PCLO: variants seen among roughly 807,000 people sequenced by gnomAD.
PCLO encodes piccolo presynaptic cytomatrix protein.
A neutral mutation model predicts 427.5 loss-of-function variants in PCLO; 82 were observed. The observed-to-expected ratio is 0.19, with a 90% CI of 0.16 to 0.23. PCLO has a LOEUF of 0.23. PCLO is among the 10% of genes least tolerant of loss of function. The probability of loss-of-function intolerance (pLI) is 1.00; values close to 1 mark genes in which losing one functional copy is unlikely to be tolerated. For synonymous variants in PCLO, 2,357 were observed against 2,155.4 expected, an observed-to-expected ratio of 1.09 and a Z score of -2.59; for missense variants, 6,239 against 6,115.9, an observed-to-expected ratio of 1.02 and a Z score of -0.67.
At chr7:83,003,005 C>T (rs1052095938) in intron 3 of PCLO, among the ~76,000 whole-genome samples, 15 of 151,080 alleles carry the variant, frequency 9.9e-5, no homozygotes, top group Admixed American at 9.3e-4. Context: ...ATTTATTTTT[C>T]CTTGCCATAT....
intron 3 of PCLO, among the ~76,000 whole-genome samples, chr7:83,069,973 C>T (rs1789771057): frequency 1.3e-5 from 2 of 152,020 alleles, no homozygotes; most frequent in African/African-American, 4.8e-5. Flanking sequence ...AGCTTGATTG[C>T]CTTCTTGAGT....
intron 3 of PCLO, among the ~76,000 whole-genome samples, chr7:83,118,506 G>C (rs1443244236): frequency 1.3e-5 from 2 of 151,504 alleles, no homozygotes; most frequent in Non-Finnish European, 2.9e-5. Flanking sequence ...TCCCCCAGCA[G>C]TGAGCATAGA....
chr7:83,045,057 T>G (rs1244536302), intron 3 of PCLO, among the ~76,000 whole-genome samples: 1 of 152,190 alleles, frequency 6.6e-6, no homozygotes, highest in Non-Finnish European at 1.5e-5. Flanking sequence ...AAAATCTGAC[T>G]GAAAAGCAGA....
intron 10 of PCLO, among the ~76,000 whole-genome samples, chr7:82,878,330 A>G (rs1793423462): frequency 6.6e-6 from 1 of 152,208 alleles, no homozygotes; most frequent in Admixed American, 6.5e-5. Flanking sequence ...AGAAAATCAC[A>G]GTGAGTCATT....
chr7:82,761,019 A>G (rs1790421942), intron 23 of PCLO, among the ~76,000 whole-genome samples: 2 of 137,430 alleles, frequency 1.5e-5, no homozygotes. Context: ...TGGCCAGATA[A>G]CTCACTTAAC....
At chr7:82,997,306 C>T (rs559703196) in intron 3 of PCLO, among the ~76,000 whole-genome samples, 1 of 152,056 alleles carries the variant, frequency 6.6e-6, no homozygotes, top group African/African-American at 2.4e-5. Context: ...ATGTTGGAGC[C>T]ATTCCAGACT....
At chr7:82,847,279 C>T (rs780332763) in intron 10 of PCLO, 32 bp from the exon 11 acceptor site, 64 of 1,221,772 alleles carry the variant, frequency 5.2e-5, no homozygotes, top group African/African-American at 1.5e-4. Flanking sequence ...TAAAATCAAA[C>T]GTGTGCTATC....
At chr7:82,976,927 G>A (rs761743476) in intron 3 of PCLO, among the ~76,000 whole-genome samples, 4 of 151,910 alleles carry the variant, frequency 2.6e-5, no homozygotes, top group South Asian at 2.1e-4. Context: ...ATCTCGCTAC[G>A]TTGCCTGGTC....
intron 7 of PCLO, among the ~76,000 whole-genome samples, chr7:82,913,318 T>C (rs976562339): frequency 1.3e-5 from 2 of 152,014 alleles, no homozygotes; most frequent in Admixed American, 6.6e-5. Context: ...AGATTTGAAT[T>C]CCTAAAATCT....
At chr7:82,965,697 C>T (rs933658529) in intron 4 of PCLO, 74 bp downstream of exon 4, 3 of 948,708 alleles carry the variant, frequency 3.2e-6, no homozygotes, top group Non-Finnish European at 4.8e-6. Flanking sequence ...TACCATTGAG[C>T]AACTTGTATA....
At position 82,755,590 on chromosome 7, in the gene PCLO, G is replaced by A. The variant is rs369848448; in HGVS notation, c.*2985C>T. ...GGGAAAAACTGAGATGCTCTTCAAG[G>A]TAAAAGTGCTGTAATTGGAGTAATT... On this transcript the variant is annotated 3_prime_UTR_variant, in exon 25 of 25. Transcript: ENST00000333891. 2 of 151,998 alleles carry A rather than the reference G, an allele frequency of 1.3e-5. No individual in the cohort carries two copies. The highest frequency in any genetic ancestry group is 4.8e-5 in the African/African-American group (2 of 41,378). The allele number at this position is 151,998 out of a possible 1,614,324, so 9.4% of individuals were successfully genotyped here.
chr7:83,162,603 G>T lies in PCLO; in HGVS notation c.-11C>A, dbSNP rs755080569. ...CGCCTCGTTGCCCATGGCTCAGGGA[G>T]ACTCGGGGCCGCCGCGCTCCCTCCT... On this transcript the variant is annotated 5_prime_UTR_variant, in exon 1 of 25. Coordinates refer to ENST00000333891, the MANE Select transcript of PCLO (RefSeq NM_033026.6). 2 of 1,529,542 alleles carry T rather than the reference G, an allele frequency of 1.3e-6. No individual in the cohort carries two copies. Among genetic ancestry groups the T allele is most frequent in the Admixed American group, 4.0e-5 (2 of 49,818 alleles). 94.7% of individuals were successfully genotyped at this position (1,529,542 alleles called of 1,614,324 possible). A position where few individuals can be genotyped will look rare whatever the true frequency, so the allele number is the denominator to read the frequency against.
In PCLO at chr7:82,756,103, A is replaced by C. The variant is rs1228066024; in HGVS notation, c.*2472T>G. On this transcript the variant is annotated 3_prime_UTR_variant, in exon 25 of 25. Transcript: ENST00000333891. ...CTCCATTTATATTATTCTAAAAGAA[A>C]TTGCAACTGGAATGAAGAAAGCTAA... The C allele has an allele frequency of 6.6e-6, 1 of 152,146 alleles. No individual in the cohort carries two copies. The highest frequency in any genetic ancestry group is 1.5e-5 in the Non-Finnish European group (1 of 68,008). The allele number at this position is 152,146 out of a possible 1,614,324, so 9.4% of individuals were successfully genotyped here. A position where few individuals can be genotyped will look rare whatever the true frequency, so the allele number is the denominator to read the frequency against.
chr7:83,114,048 A>G (rs1791070695), intron 3 of PCLO, among the ~76,000 whole-genome samples: 1 of 152,196 alleles, frequency 6.6e-6, no homozygotes, highest in Non-Finnish European at 1.5e-5. Context: ...CAGCCAATAC[A>G]GGACCAAATA....
intron 3 of PCLO, among the ~76,000 whole-genome samples, chr7:83,094,210 C>CTTTTTT (rs767490139): frequency 9.5e-5 from 12 of 126,022 alleles, no homozygotes; most frequent in African/African-American, 1.2e-4. Context: ...ATTTTTTTTT[C>CTTTTTT]TTTTTTTTTT....
Position 83,134,759 on chromosome 7 carries a change from G to A in PCLO, c.2791C>T (p.Leu931Phe). The A allele has an allele frequency of 1.9e-6, 3 of 1,613,942 alleles. No homozygotes were observed. Among genetic ancestry groups the A allele is most frequent in the Non-Finnish European group, 2.5e-6 (3 of 1,179,882 alleles). Residue 931 changes from leucine (L) to phenylalanine (F), a missense_variant, in exon 3 of 25, where the codon CTC (leucine) becomes TTC (phenylalanine). Coordinates refer to ENST00000333891, the MANE Select transcript of PCLO (RefSeq NM_033026.6). ...TTPQETVTGK[L>F]FGFGASIFSQ... The stretch of plus-strand genomic sequence containing the variant: ...AAGATTGATGCTCCAAACCCAAAGA[G>A]TTTCCCAGTCACGGTCTCTTGAGGA...
In PCLO at chr7:82,957,084, A is replaced by G. The variant is rs1327291007; in HGVS notation, c.4018-149T>C. 5.0e-6 allele frequency: 4 copies of G among 801,542 alleles called. No homozygotes were observed. The African/African-American group carries it at 5.3e-5, about 11-fold the overall frequency. 49.7% of individuals were successfully genotyped at this position (801,542 alleles called of 1,614,324 possible). A position where few individuals can be genotyped will look rare whatever the true frequency, so the allele number is the denominator to read the frequency against. On this transcript the variant is annotated intron_variant, in intron 4 of 24. Coordinates refer to ENST00000333891, the MANE Select transcript of PCLO (RefSeq NM_033026.6). The stretch of plus-strand genomic sequence containing the variant: ...TCTCAGTATTTTTTAAAAGTTTGAG[A>G]AAAATATTGTTGATATGCGTTGGTA...
chr7:83,034,490 A>G (rs925870942), intron 3 of PCLO, among the ~76,000 whole-genome samples: 4 of 152,214 alleles, frequency 2.6e-5, no homozygotes, highest in African/African-American at 9.6e-5. Context: ...GCCTGGTCCC[A>G]TGCTGTTTTC....
intron 10 of PCLO, among the ~76,000 whole-genome samples, chr7:82,853,956 T>C (rs938181535): frequency 3.3e-5 from 5 of 152,206 alleles, no homozygotes; most frequent in Non-Finnish European, 7.3e-5. Context: ...TTTTTTGAGC[T>C]GAAGGTTTAT....
Sources: gnomAD v4.1 joint callset for allele counts (sites outside exome capture counted in the v4.1 genomes callset) on GRCh38, gnomAD v4.1.1 for gene constraint, MANE v1.5 for transcripts, NCBI Gene and HGNC (gene_info 2026-07-23, HGNC 2026-07-21) for gene names.